The following MTMR12 variants were observed in gnomAD, a reference collection of about 807,000 sequenced individuals.
MTMR12 encodes myotubularin-related protein 12.
In MTMR12, 33 loss-of-function variants were observed where a neutral mutation model predicts 96.7. That is an observed-to-expected ratio of 0.34 (90% CI 0.26 to 0.46). The LOEUF (loss-of-function observed/expected upper bound fraction) is 0.46, where lower values mean the gene tolerates loss of function less well. MTMR12 is among the 20% of genes least tolerant of loss of function. The probability of loss-of-function intolerance (pLI) is 1.00; values close to 1 mark genes in which losing one functional copy is unlikely to be tolerated. For missense variants in MTMR12, 721 were observed against 896.1 expected (o/e 0.80, Z 2.49); for synonymous variants, 298 against 327.2 (o/e 0.91, Z 0.96).
intron 8 of MTMR12, among the ~76,000 whole-genome samples, chr5:32,253,347 A>C (rs1238538333): frequency 2.0e-5 from 3 of 152,178 alleles, no homozygotes. Context: ...AAGGTACATA[A>C]TTTCACCGAT....
intron 2 of MTMR12, among the ~76,000 whole-genome samples, chr5:32,274,420 C>T (rs1749970037): frequency 6.6e-6 from 1 of 152,080 alleles, no homozygotes; most frequent in Non-Finnish European, 1.5e-5. Flanking sequence ...ATGATCTGAG[C>T]TGCACTTTCA....
intron 1 of MTMR12, among the ~76,000 whole-genome samples, chr5:32,288,462 A>C (rs577832487): frequency 6.6e-6 from 1 of 152,190 alleles, no homozygotes; most frequent in East Asian, 1.9e-4. Context: ...GTTTGCTTCT[A>C]GACCTATAAC....
chr5:32,298,968 AAAAG>A (rs1751028486), intron 1 of MTMR12, among the ~76,000 whole-genome samples: 1 of 151,446 alleles, frequency 6.6e-6, no homozygotes, highest in Non-Finnish European at 1.5e-5. Flanking sequence ...AAAAAAAAAA[AAAAG>A]AACAATGCTG....
intron 1 of MTMR12, among the ~76,000 whole-genome samples, chr5:32,282,713 C>CA (rs1317180183): frequency 6.6e-6 from 1 of 152,030 alleles, no homozygotes; most frequent in Non-Finnish European, 1.5e-5. Flanking sequence ...ATCCTTGCCT[C>CA]AAAAATAAGT....
chr5:32,288,282 C>T (rs190064253), intron 1 of MTMR12, among the ~76,000 whole-genome samples: 128 of 152,200 alleles, frequency 8.4e-4, no homozygotes, highest in East Asian at 1.2e-3. Flanking sequence ...AACAGCTTCC[C>T]CATCCCCAGT....
intron 15 of MTMR12, among the ~76,000 whole-genome samples, chr5:32,231,315 G>T (rs1581583624): frequency 6.7e-6 from 1 of 149,992 alleles, no homozygotes; most frequent in Non-Finnish European, 1.5e-5. Context: ...GGAGGCAGAG[G>T]CTGCAGTGAG....
intron 7 of MTMR12, among the ~76,000 whole-genome samples, chr5:32,258,743 G>T (rs1047475677): frequency 2.0e-5 from 3 of 152,068 alleles, no homozygotes; most frequent in African/African-American, 7.2e-5. Context: ...CTGTGCAGTT[G>T]TTTAAACCAG....
chr5:32,299,061 A>G (rs937055573), intron 1 of MTMR12, among the ~76,000 whole-genome samples: 1 of 151,784 alleles, frequency 6.6e-6, no homozygotes, highest in Non-Finnish European at 1.5e-5. Context: ...ATGCGCACAC[A>G]CACACACATA....
chr5:32,242,271 A>G (rs542214547), intron 11 of MTMR12, 144 bp from the exon 12 acceptor site: 2 of 499,276 alleles, frequency 4.0e-6, no homozygotes, highest in Admixed American at 6.9e-5. Flanking sequence ...TCTAGAAAAG[A>G]AACGAACTTC....
At chr5:32,257,263 T>TG (rs1749176680) in intron 7 of MTMR12, among the ~76,000 whole-genome samples, 1 of 152,198 alleles carries the variant, frequency 6.6e-6, no homozygotes, top group Non-Finnish European at 1.5e-5. Flanking sequence ...AAGGCTGCAA[T>TG]GAGCCATCAC....
chr5:32,251,131 CT>C (rs538554781), intron 8 of MTMR12, among the ~76,000 whole-genome samples: 193 of 148,460 alleles, frequency 1.3e-3, no homozygotes, highest in African/African-American at 4.7e-3. Flanking sequence ...TCTCGGCTCA[CT>C]GCAAGCTCCG....
At position 32,235,026 on chromosome 5, in the gene MTMR12, C is replaced by G. The variant is rs1748158702; in HGVS notation, c.1448G>C (p.Ser483Thr). The change falls in exon 14 of 16, where the codon AGC becomes ACC. Residue 483 changes from serine to threonine, a missense_variant. Transcript: ENST00000382142. ...TETYLTVLSDSLYIPIFSTFF... is the reference protein window; with the variant it reads ...TETYLTVLSDTLYIPIFSTFF... ...GGTGCTAAAAATAGGTATATACAGG[C>G]TATCTGACAAAACAGTCAGGTAAGT... 1.2e-6 allele frequency: 2 copies of G among 1,613,774 alleles called. No individual in the cohort carries two copies. The highest frequency in any genetic ancestry group is 1.7e-6 in the Non-Finnish European group (2 of 1,179,646).
intron 1 of MTMR12, among the ~76,000 whole-genome samples, chr5:32,297,786 A>C (rs532024135): frequency 6.6e-6 from 1 of 152,336 alleles, no homozygotes; most frequent in Non-Finnish European, 1.5e-5. Context: ...TTAGAAAATA[A>C]ATGTTAGGAC....
At chr5:32,303,296 T>C (rs967895654) in intron 1 of MTMR12, among the ~76,000 whole-genome samples, 1 of 152,208 alleles carries the variant, frequency 6.6e-6, no homozygotes, top group African/African-American at 2.4e-5. Context: ...ACAGCTAGTA[T>C]GAAGAGCTAC....
intron 1 of MTMR12, among the ~76,000 whole-genome samples, chr5:32,281,239 C>T (rs1750278881): frequency 1.5e-5 from 2 of 136,804 alleles, no homozygotes; most frequent in South Asian, 4.9e-4. Context: ...CAGAAGGAGA[C>T]TCTATCATTA....
chr5:32,259,112 C>A (rs2112048808), intron 7 of MTMR12, among the ~76,000 whole-genome samples: 1 of 152,274 alleles, frequency 6.6e-6, no homozygotes, highest in East Asian at 1.9e-4. Flanking sequence ...ATCCTCCCTC[C>A]TTGGAAAGCA....
chr5:32,244,236 G>A (rs1354655818), intron 10 of MTMR12, among the ~76,000 whole-genome samples: 1 of 150,764 alleles, frequency 6.6e-6, no homozygotes, highest in Non-Finnish European at 1.5e-5. Flanking sequence ...CTATGGTGGC[G>A]CCACTGCACC....
intron 6 of MTMR12, among the ~76,000 whole-genome samples, chr5:32,266,805 C>T (rs947080869): frequency 6.6e-6 from 1 of 151,876 alleles, no homozygotes; most frequent in Non-Finnish European, 1.5e-5. Context: ...TGGAGCCGGG[C>T]GAGCTGGCTC....
intron 1 of MTMR12, among the ~76,000 whole-genome samples, chr5:32,302,542 C>T (rs1234950889): frequency 6.6e-6 from 1 of 152,044 alleles, no homozygotes; most frequent in Non-Finnish European, 1.5e-5. Context: ...CATGGTGAAA[C>T]CCCGTCTCCA....
Sources: allele counts gnomAD v4.1 joint callset (sites outside exome capture counted in the v4.1 genomes callset), GRCh38; gene constraint gnomAD v4.1.1; transcripts MANE v1.5; gene names NCBI Gene and HGNC (gene_info 2026-07-23, HGNC 2026-07-21).